The following LRRC4C variants were observed in gnomAD, a reference collection of about 807,000 sequenced individuals.
LRRC4C encodes the protein leucine rich repeat containing 4C.
Under a neutral mutation model 33.6 loss-of-function variants are expected in LRRC4C, and 5 were observed. The observed-to-expected ratio is 0.15, with a 90% CI of 0.08 to 0.31. LRRC4C has a LOEUF of 0.31. Among genes scored for constraint, LRRC4C ranks in the 10% least tolerant of loss-of-function variants. LRRC4C has a pLI of 1.00. For synonymous variants in LRRC4C, 329 were observed against 302.0 expected (o/e 1.09, Z -0.93); for missense variants, 560 against 796.7 (o/e 0.70, Z 3.58).
chr11:40,827,362 T>C (rs1952209137), intron 2 of LRRC4C, among the ~76,000 whole-genome samples: 1 of 151,882 alleles, frequency 6.6e-6, no homozygotes, highest in African/African-American at 2.4e-5. Context: ...ACAGGTACTG[T>C]TTTCTATTAT....
chr11:41,346,713 CA>C (rs1951815069), intron 1 of LRRC4C, among the ~76,000 whole-genome samples: 1 of 152,148 alleles, frequency 6.6e-6, no homozygotes, highest in Admixed American at 6.6e-5. Context: ...CAAAAGGTTC[CA>C]AAAAGTTCCG....
At chr11:41,294,148 G>T (rs1163915593) in intron 1 of LRRC4C, among the ~76,000 whole-genome samples, 1 of 152,142 alleles carries the variant, frequency 6.6e-6, no homozygotes, top group Non-Finnish European at 1.5e-5. Context: ...GTTATTCTTA[G>T]CTCTGGGATC....
chr11:40,519,770 G>A (rs951855420), intron 3 of LRRC4C, among the ~76,000 whole-genome samples: 1 of 152,176 alleles, frequency 6.6e-6, no homozygotes, highest in Admixed American at 6.6e-5. Flanking sequence ...ATTAACAGGA[G>A]TTTGGAAGAT....
chr11:40,489,307 C>T (rs1954027554), intron 3 of LRRC4C, among the ~76,000 whole-genome samples: 1 of 152,050 alleles, frequency 6.6e-6, no homozygotes, highest in African/African-American at 2.4e-5. Context: ...ACAATGTCCC[C>T]CTTGCTCCCC....
At chr11:40,570,099 C>A (rs1416725972) in intron 3 of LRRC4C, among the ~76,000 whole-genome samples, 2 of 151,786 alleles carry the variant, frequency 1.3e-5, no homozygotes, top group Admixed American at 6.6e-5. Flanking sequence ...TGTATACATG[C>A]ATACATATAA....
intron 5 of LRRC4C, among the ~76,000 whole-genome samples, chr11:40,230,732 C>T (rs1329666167): frequency 3.3e-5 from 5 of 152,114 alleles, no homozygotes; most frequent in East Asian, 1.9e-4. Context: ...GATAATCATT[C>T]GCATGTCATC....
Position 40,332,381 on chromosome 11 carries a change from A to G in LRRC4C, c.-269-12660T>C, listed in dbSNP as rs1032378984. ...ACTATGTGTGTCTTCCTGTAAGTCT[A>G]ATTTATTTTTATTTTTAAGACACCA... On this transcript the variant is annotated intron_variant, in intron 3 of 6. Transcript: ENST00000528697. 9.9e-5 allele frequency among the ~76,000 whole-genome samples: 15 copies of G among 152,006 alleles called. 1 individual carries two copies. Among genetic ancestry groups the G allele is most frequent in the Admixed American group, 7.9e-4 (12 of 15,260 alleles).
Position 40,116,300 on chromosome 11 carries a change from T to G in LRRC4C, c.-8A>C. The G allele has an allele frequency of 6.3e-7, 1 of 1,578,852 alleles. No individual in the cohort carries two copies. The highest frequency in any genetic ancestry group is 8.6e-7 in the Non-Finnish European group (1 of 1,158,448). On this transcript the variant is annotated 5_prime_UTR_variant, in exon 7 of 7. Coordinates refer to ENST00000528697, the MANE Select transcript of LRRC4C (RefSeq NM_001258419.2). ...GGTCATCTTGTTCAACATTCATAAT[T>G]TATCTGGTGTTGGTCCTTCTGGAAT...
chr11:41,112,889 T>C (rs777086703), intron 1 of LRRC4C, among the ~76,000 whole-genome samples: 1 of 152,006 alleles, frequency 6.6e-6, no homozygotes, highest in Non-Finnish European at 1.5e-5. Context: ...AAAACATATA[T>C]GAGTAGGTGT....
intron 2 of LRRC4C, among the ~76,000 whole-genome samples, chr11:40,852,987 T>C (rs1565135383): frequency 6.6e-6 from 1 of 152,200 alleles, no homozygotes; most frequent in Non-Finnish European, 1.5e-5. Flanking sequence ...AGCATAGCCA[T>C]GTGTCACATA....
rs144923078 is a variant in LRRC4C, at chr11:40,453,232, T to C, written c.-269-133511A>G. On this transcript the variant is annotated intron_variant, in intron 3 of 6. Coordinates refer to ENST00000528697, the MANE Select transcript of LRRC4C (RefSeq NM_001258419.2). ...TTCTAAACTTGCCATGGAGCCAGCA[T>C]GGGCAAATAATTTAACTTTTCTGAG... is the stretch of plus-strand genomic sequence containing the variant. 2.8e-4 allele frequency among the ~76,000 whole-genome samples: 43 copies of C among 152,314 alleles called. No homozygotes were observed. In the East Asian group the frequency reaches 8.1e-3, roughly 29 times the overall value.
chr11:40,914,343 T>G (rs2136298917), intron 2 of LRRC4C, among the ~76,000 whole-genome samples: 1 of 152,260 alleles, frequency 6.6e-6, no homozygotes, highest in Middle Eastern at 3.4e-3. Context: ...AAAAAGCTTA[T>G]CCACCATGAT....
intron 3 of LRRC4C, among the ~76,000 whole-genome samples, chr11:40,610,319 C>CT (rs1053006811): frequency 6.6e-6 from 1 of 151,666 alleles, no homozygotes; most frequent in African/African-American, 2.4e-5. Context: ...AATTAAACAA[C>CT]TTTTTACAAT....
intron 3 of LRRC4C, among the ~76,000 whole-genome samples, chr11:40,411,267 GCTTA>G (rs757081207): frequency 5.0e-4 from 76 of 152,150 alleles, no homozygotes; most frequent in Non-Finnish European, 9.9e-4. Flanking sequence ...AGTCACATAT[GCTTA>G]CTTAGTTCAC....
In LRRC4C at chr11:40,343,664, C is replaced by CA. The variant is rs34807268; in HGVS notation, c.-269-23944dup. On this transcript the variant is annotated intron_variant, in intron 3 of 6. Transcript: ENST00000528697. ...TATATAAAGATCTCTAAATTCTAGA[C>CA]AAAAAAAAACTTACAAAAGAATAAC... Among the ~76,000 whole-genome samples, 11 of 92,898 alleles carry CA rather than the reference C, an allele frequency of 1.2e-4. No individual in the cohort carries two copies. The East Asian group carries it at 2.0e-3, about 17-fold the overall frequency. The allele number at this position is 92,898 out of a possible 152,430, so 60.9% of individuals were successfully genotyped here.
chr11:40,598,701 A>G (rs1959642082), intron 3 of LRRC4C, among the ~76,000 whole-genome samples: 1 of 152,050 alleles, frequency 6.6e-6, no homozygotes. Context: ...CTTTTTATAT[A>G]TTGTTTAGGT....
intron 3 of LRRC4C, among the ~76,000 whole-genome samples, chr11:40,349,300 T>G (rs977657459): frequency 2.0e-5 from 3 of 152,160 alleles, no homozygotes; most frequent in Admixed American, 2.0e-4. Context: ...CAGCCACAAA[T>G]GGGTGAGAAT....
intron 1 of LRRC4C, among the ~76,000 whole-genome samples, chr11:41,352,861 A>G (rs1952029493): frequency 2.0e-5 from 3 of 152,136 alleles, no homozygotes; most frequent in Admixed American, 6.6e-5. Flanking sequence ...TCTCTGGGAC[A>G]TAGACAAACC....
At chr11:40,242,258 A>G (rs1413999206) in intron 4 of LRRC4C, among the ~76,000 whole-genome samples, 2 of 152,218 alleles carry the variant, frequency 1.3e-5, no homozygotes, top group African/African-American at 2.4e-5. Context: ...TAAAAGGCAA[A>G]TTCAGCCGTT....
Sources: allele counts gnomAD v4.1 joint callset (sites outside exome capture counted in the v4.1 genomes callset), GRCh38; gene constraint gnomAD v4.1.1; transcripts MANE v1.5; gene names NCBI Gene and HGNC (gene_info 2026-07-23, HGNC 2026-07-21).